RIGI: variants seen among roughly 807,000 people sequenced by gnomAD.
RIGI encodes RNA sensor RIG-I, also known as antiviral innate immune response receptor RIG-I.
At chr9:32,498,831 T>C in the RIGI span, among the ~76,000 whole-genome samples, 1 of 151,514 alleles carries the variant, frequency 6.6e-6, no homozygotes, top group Non-Finnish European at 1.5e-5. Flanking sequence ...AAAAATACAA[T>C]AATTAGCCAG....
the RIGI span, among the ~76,000 whole-genome samples, chr9:32,525,726 T>C: frequency 6.6e-6 from 1 of 152,212 alleles, no homozygotes; most frequent in Non-Finnish European, 1.5e-5. Context: ...GCCCTTATCT[T>C]ATTTCTCAAT....
the RIGI span, chr9:32,488,252 A>C: frequency 6.4e-7 from 1 of 1,573,114 alleles, no homozygotes; most frequent in Non-Finnish European, 8.7e-7. Flanking sequence ...GTGGATAAGG[A>C]ACCACAAAGA....
At chr9:32,524,596 G>GTTTTTTTTTTTTTT in the RIGI span, among the ~76,000 whole-genome samples, 24 of 67,580 alleles carry the variant, frequency 3.6e-4, 3 homozygotes, top group Non-Finnish European at 4.7e-4. Context: ...TTGTTTTTCG[G>GTTTTTTTTTTTTTT]TTTTTTTTTT....
At chr9:32,475,356 A>G in the RIGI span, among the ~76,000 whole-genome samples, 1 of 152,148 alleles carries the variant, frequency 6.6e-6, no homozygotes, top group Non-Finnish European at 1.5e-5. Context: ...ATAGCTAAAA[A>G]CAACCTTTAA....
At chr9:32,482,577 T>C in the RIGI span, among the ~76,000 whole-genome samples, 1 of 152,036 alleles carries the variant, frequency 6.6e-6, no homozygotes, top group African/African-American at 2.4e-5. Context: ...AAGCAGGAGA[T>C]TGGCCGGCCG....
chr9:32,494,119 A>C, the RIGI span, among the ~76,000 whole-genome samples: 1 of 152,230 alleles, frequency 6.6e-6, no homozygotes, highest in Non-Finnish European at 1.5e-5. Context: ...TTAGTCAGCC[A>C]ACACTTTAGG....
the RIGI span, among the ~76,000 whole-genome samples, chr9:32,477,602 A>T: frequency 6.6e-6 from 1 of 152,204 alleles, no homozygotes; most frequent in Non-Finnish European, 1.5e-5. Context: ...CAAGGTAAGG[A>T]CAGTATGTTC....
chr9:32,493,962 AT>A, the RIGI span: 1 of 1,545,732 alleles, frequency 6.5e-7, no homozygotes, highest in Non-Finnish European at 8.7e-7. Context: ...AAGAAAAAAA[AT>A]GTGGACTTTT....
the RIGI span, among the ~76,000 whole-genome samples, chr9:32,474,562 G>C: frequency 6.6e-6 from 1 of 152,160 alleles, no homozygotes; most frequent in East Asian, 1.9e-4. Context: ...ACTCTCTCTA[G>C]GGGAAGCCAT....
At chr9:32,481,344 A>G in the RIGI span, 1 of 1,610,002 alleles carries the variant, frequency 6.2e-7, no homozygotes, top group Non-Finnish European at 8.5e-7. Flanking sequence ...ACGTACCCGC[A>G]AATGTGAAGT....
chr9:32,474,377 A>T, the RIGI span, among the ~76,000 whole-genome samples: 1 of 152,166 alleles, frequency 6.6e-6, no homozygotes, highest in Admixed American at 6.5e-5. Context: ...GCCCTCAATG[A>T]TCTCCACCTT....
At chr9:32,457,026 C>G in the RIGI span, 1 of 915,754 alleles carries the variant, frequency 1.1e-6, no homozygotes, top group Non-Finnish European at 1.7e-6. Context: ...TATATTTTCA[C>G]AGGGGTACAA....
the RIGI span, among the ~76,000 whole-genome samples, chr9:32,461,298 TAAAAG>T: frequency 6.6e-6 from 1 of 152,232 alleles, no homozygotes; most frequent in Non-Finnish European, 1.5e-5. Flanking sequence ...AAAGAATGGC[TAAAAG>T]AAGTTTTCTA....
At chr9:32,484,997 GAAGA>G in the RIGI span, among the ~76,000 whole-genome samples, 37 of 152,232 alleles carry the variant, frequency 2.4e-4, no homozygotes, top group Admixed American at 9.2e-4. Context: ...GGAAAAAAAG[GAAGA>G]AAGAAAGAAT....
chr9:32,479,465 TTTTG>T, the RIGI span, among the ~76,000 whole-genome samples: 1 of 152,288 alleles, frequency 6.6e-6, no homozygotes, highest in South Asian at 2.1e-4. Context: ...GAAAACTTTT[TTTTG>T]TTTGTTTAAT....
chr9:32,507,080 G>A, the RIGI span, among the ~76,000 whole-genome samples: 3 of 152,052 alleles, frequency 2.0e-5, no homozygotes, highest in African/African-American at 7.2e-5. Flanking sequence ...TAATTTCTGG[G>A]ATATAGAATA....
At chr9:32,498,982 C>CAA in the RIGI span, among the ~76,000 whole-genome samples, 565 of 97,100 alleles carry the variant, frequency 5.8e-3, 6 homozygotes, top group African/African-American at 0.016. Flanking sequence ...GACTCTGTCT[C>CAA]AAAAAAAAAA....
the RIGI span, chr9:32,457,545 T>C: frequency 9.0e-5 from 74 of 822,026 alleles, 1 homozygote; most frequent in East Asian, 6.5e-4. Flanking sequence ...GTCTCACTTA[T>C]TTTACAATTG....
At chr9:32,494,442 T>A in the RIGI span, among the ~76,000 whole-genome samples, 1 of 152,158 alleles carries the variant, frequency 6.6e-6, no homozygotes, top group East Asian at 1.9e-4. Context: ...TTAAAAGATA[T>A]TTATTTAAAA....
Sources: gnomAD v4.1 joint callset for allele counts (sites outside exome capture counted in the v4.1 genomes callset) on GRCh38, gnomAD v4.1.1 for gene constraint, MANE v1.5 for transcripts, NCBI Gene and HGNC (gene_info 2026-07-23, HGNC 2026-07-21) for gene names.